TLL1: variants seen among roughly 807,000 people sequenced by gnomAD.
The protein encoded by TLL1 is tolloid-like protein 1.
In TLL1, 49 loss-of-function variants were observed where a neutral mutation model predicts 128.2. That is an observed-to-expected ratio of 0.38 (90% CI 0.30 to 0.48). The LOEUF (loss-of-function observed/expected upper bound fraction) is 0.48. Ranked by LOEUF, TLL1 falls within the 20% of genes least tolerant of loss-of-function variation. The probability of loss-of-function intolerance (pLI) is 0.96; values close to 1 mark genes in which losing one functional copy is unlikely to be tolerated. For missense variants in TLL1, 1,123 were observed against 1,242.0 expected, an observed-to-expected ratio of 0.90 and a Z score of 1.44; for synonymous variants, 454 against 418.8, an observed-to-expected ratio of 1.08 and a Z score of -1.03.
intron 1 of TLL1, among the ~76,000 whole-genome samples, chr4:165,962,374 C>T (rs1041036887): frequency 6.6e-6 from 1 of 152,142 alleles, no homozygotes; most frequent in African/African-American, 2.4e-5. Context: ...CAGTGAGACA[C>T]CATCTTACAC....
intron 5 of TLL1, among the ~76,000 whole-genome samples, chr4:165,998,047 T>A (rs564896646): frequency 2.5e-4 from 38 of 152,338 alleles, no homozygotes; most frequent in Non-Finnish European, 4.4e-4. Context: ...CTTATCCTTA[T>A]AGAGACAGGT....
chr4:166,038,917 G>A (rs900723475), intron 9 of TLL1, among the ~76,000 whole-genome samples: 1 of 151,952 alleles, frequency 6.6e-6, no homozygotes, highest in Non-Finnish European at 1.5e-5. Context: ...TGTCTGACTG[G>A]TCATTTTTGA....
intron 1 of TLL1, among the ~76,000 whole-genome samples, chr4:165,894,709 C>T (rs1390003313): frequency 6.6e-6 from 1 of 152,066 alleles, no homozygotes; most frequent in African/African-American, 2.4e-5. Context: ...AAAAAGCATT[C>T]AGTCTTTCAT....
chr4:165,928,894 T>C (rs540223970), intron 1 of TLL1, among the ~76,000 whole-genome samples: 28 of 152,340 alleles, frequency 1.8e-4, no homozygotes, highest in Non-Finnish European at 3.7e-4. Flanking sequence ...TTAAAAAGTG[T>C]CTGATTTTTT....
intron 12 of TLL1, among the ~76,000 whole-genome samples, chr4:166,046,041 T>A (rs1028868764): frequency 1.3e-5 from 2 of 152,306 alleles, no homozygotes; most frequent in Admixed American, 1.3e-4. Context: ...CTAGAATATG[T>A]CCACCAACGG....
chr4:165,912,188 A>G (rs1007384893), intron 1 of TLL1, among the ~76,000 whole-genome samples: 1 of 152,122 alleles, frequency 6.6e-6, no homozygotes, highest in Non-Finnish European at 1.5e-5. Context: ...AAAATAAGAC[A>G]ATAGTCTTTC....
At chr4:165,922,956 C>T (rs1561030560) in intron 1 of TLL1, among the ~76,000 whole-genome samples, 1 of 152,148 alleles carries the variant, frequency 6.6e-6, no homozygotes, top group Admixed American at 6.5e-5. Flanking sequence ...TATTGAGCTG[C>T]TGTAGTGTAC....
intron 5 of TLL1, among the ~76,000 whole-genome samples, chr4:166,000,174 G>A (rs981818847): frequency 2.0e-5 from 3 of 152,126 alleles, no homozygotes; most frequent in South Asian, 2.1e-4. Flanking sequence ...TCCAACAGCC[G>A]TATACAAGAA....
chr4:166,043,207 A>G (rs948120623), intron 11 of TLL1, 67 bp from the exon 12 acceptor site: 3 of 1,603,654 alleles, frequency 1.9e-6, no homozygotes, highest in African/African-American at 2.7e-5. Context: ...ATGTTACCCT[A>G]GAAGAAAATG....
chr4:166,081,034 G>A (rs1397310456), intron 18 of TLL1, among the ~76,000 whole-genome samples: 1 of 152,112 alleles, frequency 6.6e-6, no homozygotes, highest in East Asian at 1.9e-4. Context: ...AGGTCTTGGT[G>A]TTGAGCTTTC....
At chr4:165,973,115 A>G (rs943922139) in intron 1 of TLL1, among the ~76,000 whole-genome samples, 1 of 152,148 alleles carries the variant, frequency 6.6e-6, no homozygotes, top group Non-Finnish European at 1.5e-5. Context: ...ATATGTATAT[A>G]TGAAAGGGAG....
intron 1 of TLL1, among the ~76,000 whole-genome samples, chr4:165,955,462 A>C (rs1734739904): frequency 6.6e-6 from 1 of 152,062 alleles, no homozygotes. Context: ...ATATTGCATA[A>C]AATGATTCAT....
intron 1 of TLL1, among the ~76,000 whole-genome samples, chr4:165,894,573 TA>T (rs1731581036): frequency 6.6e-6 from 1 of 152,200 alleles, no homozygotes; most frequent in Non-Finnish European, 1.5e-5. Flanking sequence ...TGAGAAATGT[TA>T]AAAGAATTCC....
At chr4:165,936,206 AT>A (rs199985086) in intron 1 of TLL1, among the ~76,000 whole-genome samples, 2,415 of 139,602 alleles carry the variant, frequency 0.017, 73 homozygotes, top group African/African-American at 0.056. Context: ...ATATATATAT[AT>A]TTTTTTTTCT....
intron 19 of TLL1, among the ~76,000 whole-genome samples, chr4:166,095,577 ATATAT>A (rs1354367708): frequency 2.6e-5 from 4 of 152,238 alleles, no homozygotes; most frequent in East Asian, 3.9e-4. Flanking sequence ...TTCAAAAATA[ATATAT>A]TATTAAACTC....
chr4:166,011,106 A>G (rs2111046045), intron 7 of TLL1, among the ~76,000 whole-genome samples: 1 of 151,208 alleles, frequency 6.6e-6, no homozygotes, highest in Non-Finnish European at 1.5e-5. Context: ...TTTTTCAAAT[A>G]TTTTTTCTTT....
At chr4:166,069,681 A>C (rs1023898789) in intron 16 of TLL1, among the ~76,000 whole-genome samples, 1 of 151,806 alleles carries the variant, frequency 6.6e-6, no homozygotes, top group African/African-American at 2.4e-5. Flanking sequence ...TTTTAGATTT[A>C]AGAAATAACA....
chr4:166,074,815 T>C, intron 16 of TLL1, 63 bp from the exon 17 acceptor site: 1 of 1,599,460 alleles, frequency 6.3e-7, no homozygotes, highest in South Asian at 1.1e-5. Flanking sequence ...ACTAAATGAC[T>C]CCCTTTGATA....
intron 3 of TLL1, 90 bp downstream of exon 3, chr4:165,992,974 C>A (rs1736714601): frequency 9.3e-7 from 1 of 1,072,252 alleles, no homozygotes; most frequent in Non-Finnish European, 1.4e-6. Context: ...ATCAGTGTGC[C>A]ATTATGATGT....
Sources: allele counts gnomAD v4.1 joint callset (sites outside exome capture counted in the v4.1 genomes callset), GRCh38; gene constraint gnomAD v4.1.1; transcripts MANE v1.5; gene names NCBI Gene and HGNC (gene_info 2026-07-23, HGNC 2026-07-21).